ANKRD30B: variants seen among roughly 807,000 people sequenced by gnomAD.
The protein encoded by ANKRD30B is ankyrin repeat domain 30B.
ANKRD30B carries 144 observed loss-of-function variants against 202.2 expected under a neutral mutation model. The observed-to-expected ratio is 0.71, with a 90% CI of 0.62 to 0.82. ANKRD30B has a LOEUF of 0.82. Ranked by LOEUF, ANKRD30B falls within the 40% of genes least tolerant of loss-of-function variation. ANKRD30B has a pLI of 0.00. For missense variants in ANKRD30B, 1,487 were observed against 1,669.1 expected, an observed-to-expected ratio of 0.89 and a Z score of 1.90; for synonymous variants, 508 against 561.3, an observed-to-expected ratio of 0.91 and a Z score of 1.34.
In ANKRD30B at chr18:14,806,209, G is replaced by A. The variant is rs1483570801; in HGVS notation, c.2285-2342G>A. On this transcript the variant is annotated intron_variant, in intron 24 of 43. Transcript: ENST00000690538. ...CCCTCCAGCCTGGGTGACAGGGCGA[G>A]ACACCGCCAAAAAAAAAAAAGAAAA... is the stretch of plus-strand genomic sequence containing the variant. 3.0e-5 allele frequency among the ~76,000 whole-genome samples: 4 copies of A among 131,970 alleles called. No individual in the cohort carries two copies. The East Asian group carries it at 8.4e-4, about 28-fold the overall frequency. 86.6% of individuals were successfully genotyped at this position (131,970 alleles called of 152,430 possible).
intron 10 of ANKRD30B, among the ~76,000 whole-genome samples, chr18:14,779,680 A>G (rs1201932986): frequency 6.6e-6 from 1 of 152,230 alleles, no homozygotes; most frequent in Non-Finnish European, 1.5e-5. Flanking sequence ...AGTGTGTTTC[A>G]TGGGAGAAGA....
intron 14 of ANKRD30B, among the ~76,000 whole-genome samples, chr18:14,785,907 G>T (rs940072244): frequency 2.0e-3 from 302 of 152,026 alleles, no homozygotes; most frequent in African/African-American, 7.0e-3. Context: ...GTGCGGTGGC[G>T]GGCGCCTGTA....
chr18:14,769,255 T>C, intron 7 of ANKRD30B, 88 bp from the exon 8 acceptor site: 8 of 1,021,248 alleles, frequency 7.8e-6, no homozygotes, highest in Non-Finnish European at 1.1e-5. Context: ...TACAGGCATT[T>C]GCCATCGTGC....
At chr18:14,798,698 A>T (rs1036599638) in intron 20 of ANKRD30B, among the ~76,000 whole-genome samples, 9 of 152,224 alleles carry the variant, frequency 5.9e-5, no homozygotes, top group African/African-American at 2.2e-4. Context: ...TTCCATTCCC[A>T]GAGCTATGAA....
At chr18:14,843,914 T>C (rs1437354782) in intron 39 of ANKRD30B, among the ~76,000 whole-genome samples, 2 of 152,228 alleles carry the variant, frequency 1.3e-5, no homozygotes, top group African/African-American at 4.8e-5. Flanking sequence ...TTTCATTGTT[T>C]AGAGGTAAAC....
Position 14,748,637 on chromosome 18 carries a change from AGAGGTACCAGGCCCTGCCT to A in ANKRD30B, c.221+1_221+19del. The A allele has an allele frequency of 6.4e-7, 1 of 1,557,730 alleles. No individual in the cohort carries two copies. Among genetic ancestry groups the A allele is most frequent in the Non-Finnish European group, 8.7e-7 (1 of 1,150,898 alleles). On this transcript the variant is annotated splice_donor_variant and splice_donor_5th_base_variant and coding_sequence_variant and intron_variant, in exon 1 of 44. Coordinates refer to ENST00000690538, the MANE Select transcript of ANKRD30B (RefSeq NM_001367607.2). LOFTEE classifies it high-confidence loss of function. The stretch of plus-strand genomic sequence containing the variant: ...AACCTGAACAAAAGAGATATGAAGA[AGAGGTACCAGGCCCTGCCT>A]GAGCCGGGGCTGCAGGAGGAGGAGG...
At chr18:14,888,936 A>G in the ANKRD30B span, 2 of 1,031,636 alleles carry the variant, frequency 1.9e-6, no homozygotes, top group Non-Finnish European at 2.8e-6. Flanking sequence ...ACATGTTCCA[A>G]ATGATTTTTA....
At position 14,779,986 on chromosome 18, in the gene ANKRD30B, C is replaced by T. The variant is rs767362328; in HGVS notation, c.1447C>T (p.Arg483Ter). The T allele has an allele frequency of 3.2e-5, 52 of 1,605,544 alleles. No individual in the cohort carries two copies. The highest frequency in any genetic ancestry group is 1.6e-4 in the Middle Eastern group (1 of 6,068). The change falls in exon 11 of 44, where the codon CGA (arginine) becomes TGA (stop). Residue 483 changes from arginine (R) to a stop codon, truncating the protein, a stop_gained. Coordinates refer to ENST00000690538, the MANE Select transcript of ANKRD30B (RefSeq NM_001367607.2). LOFTEE classifies it high-confidence loss of function. ...TCAGATGTTCCCATCAGAATCCAAA[C>T]GAGAGGAAGATGAAGAATATTCTTG... ...EDQMFPSESK[R>*]EEDEEYSWDS... is the part of the protein sequence containing the mutation.
chr18:14,840,765 A>C, intron 37 of ANKRD30B, 87 bp downstream of exon 37: 1 of 662,838 alleles, frequency 1.5e-6, no homozygotes, highest in South Asian at 2.3e-5. Flanking sequence ...AGCCAGAGAA[A>C]ATTATTTTTT....
At chr18:14,779,437 C>T (rs1967581111) in intron 10 of ANKRD30B, among the ~76,000 whole-genome samples, 1 of 152,174 alleles carries the variant, frequency 6.6e-6, no homozygotes, top group African/African-American at 2.4e-5. Context: ...AACGCATTCA[C>T]ACCAAATATA....
intron 36 of ANKRD30B, among the ~76,000 whole-genome samples, chr18:14,839,645 AC>A: frequency 6.6e-6 from 1 of 152,324 alleles, no homozygotes; most frequent in African/African-American, 2.4e-5. Flanking sequence ...CGAATTGCAT[AC>A]TTTATCTAAT....
At chr18:14,822,243 A>G (rs1970457859) in intron 30 of ANKRD30B, among the ~76,000 whole-genome samples, 1 of 152,030 alleles carries the variant, frequency 6.6e-6, no homozygotes, top group Non-Finnish European at 1.5e-5. Flanking sequence ...CTTGAAATAT[A>G]TTTTGACTGT....
the ANKRD30B span, among the ~76,000 whole-genome samples, chr18:14,864,008 TATG>T: frequency 2.0e-5 from 3 of 152,110 alleles, no homozygotes; most frequent in Non-Finnish European, 2.9e-5. Context: ...ACAAAAATCA[TATG>T]ATTATCTCAA....
Position 14,820,771 on chromosome 18 carries a change from T to C in ANKRD30B, c.2642-1712T>C, listed in dbSNP as rs566666926. On this transcript the variant is annotated intron_variant, in intron 30 of 43. Coordinates refer to ENST00000690538, the MANE Select transcript of ANKRD30B (RefSeq NM_001367607.2). ...GCTGCTGGATTCATTTTGCCAGTAT[T>C]TTATTGAGGATTTTTGCATCAATGT... Among the ~76,000 whole-genome samples, 143 of 152,274 alleles carry C rather than the reference T, an allele frequency of 9.4e-4. 1 individual carries two copies. The highest frequency in any genetic ancestry group is 3.2e-3 in the African/African-American group (132 of 41,544).
chr18:14,885,369 A>T, the ANKRD30B span, among the ~76,000 whole-genome samples: 1 of 152,060 alleles, frequency 6.6e-6, no homozygotes, highest in African/African-American at 2.4e-5. Context: ...ATTCTGAGGT[A>T]TCAATTTTGC....
the ANKRD30B span, among the ~76,000 whole-genome samples, chr18:14,910,511 T>G: frequency 6.6e-6 from 1 of 150,578 alleles, no homozygotes; most frequent in Non-Finnish European, 1.5e-5. Flanking sequence ...ATAAAATTTC[T>G]TTATCCAGCC....
chr18:14,909,554 C>T, the ANKRD30B span, among the ~76,000 whole-genome samples: 10 of 152,118 alleles, frequency 6.6e-5, 1 homozygote, highest in Admixed American at 2.0e-4. Flanking sequence ...GTTACAGGCG[C>T]GCACCACCAT....
rs1423476760 is a variant in ANKRD30B at position 14,842,930 on chromosome 18, T to G, written c.3108+5T>G. ...GAAAAGCCTTCTCACTTTGAGGTAT[T>G]GAGTTTTATAATTTTATCTTGCATT... is the stretch of plus-strand genomic sequence containing the variant. On this transcript the variant is annotated splice_donor_5th_base_variant and intron_variant, in intron 38 of 43. Transcript: ENST00000690538. 1 of 1,545,848 alleles carries G rather than the reference T, an allele frequency of 6.5e-7. No homozygotes were observed. The highest frequency in any genetic ancestry group is 8.7e-7 in the Non-Finnish European group (1 of 1,143,308).
chr18:14,913,114 G>C, the ANKRD30B span, among the ~76,000 whole-genome samples: 1,279 of 152,356 alleles, frequency 8.4e-3, 18 homozygotes, highest in African/African-American at 0.03. Context: ...TTTGGCAGAG[G>C]CCAGATTTCC....
Sources: gnomAD v4.1 joint callset for allele counts (sites outside exome capture counted in the v4.1 genomes callset) on GRCh38, gnomAD v4.1.1 for gene constraint, MANE v1.5 for transcripts, NCBI Gene and HGNC (gene_info 2026-07-23, HGNC 2026-07-21) for gene names.